The following TBC1D10A variants were observed in gnomAD, a reference collection of about 807,000 sequenced individuals.
TBC1D10A encodes the protein EBP50-PDX interactor of 64 kDa.
TBC1D10A carries 24 observed loss-of-function variants against 52.9 expected under a neutral mutation model. That is an observed-to-expected ratio of 0.45 (90% CI 0.33 to 0.64). TBC1D10A has a LOEUF of 0.64. Among genes scored for constraint, TBC1D10A ranks in the 30% least tolerant of loss-of-function variants. TBC1D10A has a pLI of 0.02. For missense variants in TBC1D10A, 602 were observed against 687.9 expected (o/e 0.88, Z 1.40); for synonymous variants, 278 against 282.9 (o/e 0.98, Z 0.17).
chr22:30,308,332 A>ATGCC (rs1312315017), intron 1 of TBC1D10A, among the ~76,000 whole-genome samples: 461 of 45,542 alleles, frequency 0.01, 2 homozygotes, highest in African/African-American at 0.049. Flanking sequence ...GCATGCCTGC[A>ATGCC]TGCCTGCCTG....
At chr22:30,294,331 G>A (rs1042402442) in intron 6 of TBC1D10A, among the ~76,000 whole-genome samples, 1 of 152,192 alleles carries the variant, frequency 6.6e-6, no homozygotes, top group Non-Finnish European at 1.5e-5. Flanking sequence ...AGCAAAAGAG[G>A]CTAGGGGAGG....
At chr22:30,316,549 C>T (rs914554348) in intron 1 of TBC1D10A, among the ~76,000 whole-genome samples, 4 of 151,830 alleles carry the variant, frequency 2.6e-5, no homozygotes, top group African/African-American at 9.7e-5. Context: ...ATTTCCCAGG[C>T]TCAAGTGATC....
chr22:30,305,054 C>T (rs1930283658), intron 1 of TBC1D10A, among the ~76,000 whole-genome samples: 2 of 152,222 alleles, frequency 1.3e-5, no homozygotes, highest in Non-Finnish European at 2.9e-5. Flanking sequence ...ATAATATGCT[C>T]ACCTCTTTAC....
chr22:30,316,953 C>T (rs1191993971), intron 1 of TBC1D10A, among the ~76,000 whole-genome samples: 1 of 152,000 alleles, frequency 6.6e-6, no homozygotes, highest in Admixed American at 6.6e-5. Flanking sequence ...GTGGGAAGAT[C>T]GCTTGTGCCT....
At chr22:30,323,979 AAG>A (rs1491029158) in intron 1 of TBC1D10A, among the ~76,000 whole-genome samples, 1 of 152,092 alleles carries the variant, frequency 6.6e-6, no homozygotes, top group African/African-American at 2.4e-5. Flanking sequence ...TCAAAAAAAA[AAG>A]ATCCCTTACA....
At chr22:30,313,476 C>A (rs769329807) in intron 1 of TBC1D10A, among the ~76,000 whole-genome samples, 2 of 151,316 alleles carry the variant, frequency 1.3e-5, no homozygotes, top group Non-Finnish European at 2.9e-5. Context: ...CTCCGCCTCC[C>A]GGGTTCAAGC....
At chr22:30,322,537 C>T (rs994770087) in intron 1 of TBC1D10A, among the ~76,000 whole-genome samples, 10 of 147,388 alleles carry the variant, frequency 6.8e-5, no homozygotes, top group Non-Finnish European at 1.3e-4. Context: ...AGGTTTCTCA[C>T]AGGCCTCCAG....
chr22:30,314,252 G>A (rs935673400), intron 1 of TBC1D10A, among the ~76,000 whole-genome samples: 1 of 152,334 alleles, frequency 6.6e-6, no homozygotes, highest in South Asian at 2.1e-4. Flanking sequence ...GGTATACACA[G>A]CCTTGCTCCT....
chr22:30,316,240 C>T (rs1396633911), intron 1 of TBC1D10A, among the ~76,000 whole-genome samples: 1 of 152,162 alleles, frequency 6.6e-6, no homozygotes, highest in Admixed American at 6.5e-5. Flanking sequence ...AATTCCAGCA[C>T]TTTGGGAGGC....
At chr22:30,295,921 T>C in intron 3 of TBC1D10A, 78 bp from the exon 4 acceptor site, 1 of 1,336,130 alleles carries the variant, frequency 7.5e-7, no homozygotes, top group South Asian at 1.4e-5. Context: ...GCCCAGGGAT[T>C]AGGGGAGGGG....
At chr22:30,310,951 A>T (rs1930413164) in intron 1 of TBC1D10A, among the ~76,000 whole-genome samples, 1 of 152,180 alleles carries the variant, frequency 6.6e-6, no homozygotes. Flanking sequence ...TTGGGTCTCC[A>T]GGATGGAGAG....
chr22:30,325,646 TC>T (rs2145789760), intron 1 of TBC1D10A, among the ~76,000 whole-genome samples: 1 of 152,152 alleles, frequency 6.6e-6, no homozygotes, highest in African/African-American at 2.4e-5. Context: ...AGGCCTGGGC[TC>T]GGGGGATTCT....
intron 1 of TBC1D10A, among the ~76,000 whole-genome samples, chr22:30,315,023 C>T (rs1930506451): frequency 6.6e-6 from 1 of 152,162 alleles, no homozygotes; most frequent in South Asian, 2.1e-4. Context: ...CTTATCTTTA[C>T]AGACCAAGGA....
At chr22:30,305,895 C>A (rs2145773240) in intron 1 of TBC1D10A, among the ~76,000 whole-genome samples, 1 of 152,358 alleles carries the variant, frequency 6.6e-6, no homozygotes, top group East Asian at 1.9e-4. Context: ...TGATACAAGG[C>A]ACCCCACCTT....
Position 30,292,796 on chromosome 22 carries a change from A to AGCT in TBC1D10A, c.1103_1105dup (p.Gln368dup). ...ACCCCGGGTCTCCTGCCAGCGCCGC[A>AGCT]GCTGAATGAGGTGTTCGCGCTCAAT... On this transcript the variant is annotated inframe_insertion, in exon 9 of 9. Transcript: ENST00000215790. 6.2e-7 allele frequency: 1 copy of AGCT among 1,612,028 alleles called. No individual in the cohort carries two copies. Among genetic ancestry groups the AGCT allele is most frequent in the Middle Eastern group, 2.0e-4 (1 of 5,054 alleles).
chr22:30,312,101 T>C (rs1051266519), intron 1 of TBC1D10A, among the ~76,000 whole-genome samples: 2 of 152,216 alleles, frequency 1.3e-5, no homozygotes, highest in Non-Finnish European at 2.9e-5. Flanking sequence ...CCTGAGACTA[T>C]TCTCAACAGA....
chr22:30,305,932 AGGCAGAACTAG>A (rs574011762), intron 1 of TBC1D10A, among the ~76,000 whole-genome samples: 113 of 152,312 alleles, frequency 7.4e-4, no homozygotes, highest in African/African-American at 2.5e-3. Context: ...CACCACCTAA[AGGCAGAACTAG>A]GGCATGAGTT....
intron 1 of TBC1D10A, among the ~76,000 whole-genome samples, chr22:30,323,703 T>G (rs1451413178): frequency 6.6e-6 from 1 of 152,106 alleles, no homozygotes; most frequent in Non-Finnish European, 1.5e-5. Context: ...TGGTGGCTCA[T>G]GCCTGTAAAC....
chr22:30,294,249 C>T (rs1262571484), intron 6 of TBC1D10A, 139 bp from the exon 7 acceptor site: 1 of 948,306 alleles, frequency 1.1e-6, no homozygotes, highest in African/African-American at 1.6e-5. Flanking sequence ...CTGCCAGGTG[C>T]TAGGATACAA....
Sources: gnomAD v4.1 joint callset for allele counts (sites outside exome capture counted in the v4.1 genomes callset) on GRCh38, gnomAD v4.1.1 for gene constraint, MANE v1.5 for transcripts, NCBI Gene and HGNC (gene_info 2026-07-23, HGNC 2026-07-21) for gene names.